SRGAP2: variants seen among roughly 807,000 people sequenced by gnomAD.
SRGAP2 encodes the protein SLIT-ROBO Rho GTPase-activating protein 2.
SRGAP2 carries 15 observed loss-of-function variants against 57.2 expected under a neutral mutation model. That is an observed-to-expected ratio of 0.26 (90% CI 0.18 to 0.40). SRGAP2 has a LOEUF of 0.40. SRGAP2 is among the 10% of genes least tolerant of loss of function. SRGAP2 has a pLI of 1.00. For synonymous variants in SRGAP2, 249 were observed against 248.0 expected, an observed-to-expected ratio of 1.00 and a Z score of -0.04; for missense variants, 520 against 669.6, an observed-to-expected ratio of 0.78 and a Z score of 2.47.
chr1:206,449,040 G>A (rs868924563), intron 18 of SRGAP2, among the ~76,000 whole-genome samples: 1 of 152,154 alleles, frequency 6.6e-6, no homozygotes, highest in African/African-American at 2.4e-5. Flanking sequence ...GGTGGAAACT[G>A]TGCGGCCAGG....
intron 4 of SRGAP2, among the ~76,000 whole-genome samples, chr1:206,357,485 T>G (rs1311004022): frequency 6.6e-6 from 1 of 151,750 alleles, no homozygotes; most frequent in Non-Finnish European, 1.5e-5. Context: ...TCATTGCATC[T>G]TCTTTTAAAT....
intron 14 of SRGAP2, among the ~76,000 whole-genome samples, chr1:206,434,341 C>T (rs1368395756): frequency 1.3e-5 from 2 of 152,148 alleles, no homozygotes; most frequent in East Asian, 1.9e-4. Context: ...AGCAAGATAA[C>T]GTGAACATGA....
chr1:206,360,585 G>C (rs1372641679), intron 4 of SRGAP2, among the ~76,000 whole-genome samples: 1 of 152,170 alleles, frequency 6.6e-6, no homozygotes, highest in Non-Finnish European at 1.5e-5. Context: ...GTGAGAAGTG[G>C]TCAAATTCTG....
intron 21 of SRGAP2, among the ~76,000 whole-genome samples, chr1:206,456,731 G>A (rs1262047506): frequency 1.3e-5 from 2 of 152,210 alleles, no homozygotes; most frequent in African/African-American, 4.8e-5. Flanking sequence ...CCTGGTGGGT[G>A]GGTGAGCGGT....
intron 2 of SRGAP2, among the ~76,000 whole-genome samples, chr1:206,285,657 A>G (rs1434536098): frequency 6.6e-6 from 1 of 152,002 alleles, no homozygotes; most frequent in African/African-American, 2.4e-5. Context: ...GTATTTAAAC[A>G]TTACGAAAGA....
chr1:206,394,067 G>T (rs1657318073), intron 7 of SRGAP2, among the ~76,000 whole-genome samples: 8 of 76,956 alleles, frequency 1.0e-4, no homozygotes, highest in South Asian at 1.1e-3. Context: ...TTTTTTTTGA[G>T]ATAGAGTCTT....
intron 2 of SRGAP2, among the ~76,000 whole-genome samples, chr1:206,240,283 AAAG>A (rs1558243859): frequency 6.9e-6 from 1 of 143,980 alleles, no homozygotes; most frequent in Non-Finnish European, 1.6e-5. Context: ...AAAAAAAAAA[AAAG>A]ACATTGACTG....
intron 4 of SRGAP2, among the ~76,000 whole-genome samples, chr1:206,347,404 C>T: frequency 6.7e-6 from 1 of 150,238 alleles, no homozygotes; most frequent in Non-Finnish European, 1.5e-5. Context: ...ATGGTGAAAC[C>T]CCGTCTCTAC....
intron 4 of SRGAP2, among the ~76,000 whole-genome samples, chr1:206,352,863 T>A (rs1249620518): frequency 1.3e-5 from 2 of 152,120 alleles, no homozygotes; most frequent in Non-Finnish European, 2.9e-5. Flanking sequence ...TCCCCCAGGC[T>A]GGAGTCCTGT....
rs368222074 is a variant in SRGAP2 at position 206,454,993 on chromosome 1, G to A, written c.2476G>A (p.Val826Ile). Residue 826 changes from valine to isoleucine, a missense_variant, in exon 21 of 23, where the codon GTA becomes ATA. Val to Ile is a conservative substitution (Grantham distance 29). This residue lies in a region of SRGAP2 where 478 missense variants were observed against 373.6 expected (regional missense o/e 1.28). Transcript: ENST00000573034. This position sits in a 1 kb window ranked among gnomAD's most constrained non-coding sequence, Gnocchi z 4.3. ...AGASCPSGGHVADIYLANINK... is the reference protein window; with the variant it reads ...AGASCPSGGHIADIYLANINK... ...GGCCAGCTGTCCCAGTGGGGGTCAT[G>A]TAGCCGATATTTATCTTGCAAACAT... 1 of 780,768 alleles carries A rather than the reference G, an allele frequency of 1.3e-6. No individual in the cohort carries two copies. The highest frequency in any genetic ancestry group is 2.4e-6 in the Non-Finnish European group (1 of 417,994). The allele number at this position is 780,768 out of a possible 1,614,324, so 48.4% of individuals were successfully genotyped here. A position where few individuals can be genotyped will look rare whatever the true frequency, so the allele number is the denominator to read the frequency against.
At chr1:206,411,695 G>A (rs1343807829) in intron 10 of SRGAP2, among the ~76,000 whole-genome samples, 4 of 152,178 alleles carry the variant, frequency 2.6e-5, no homozygotes, top group Non-Finnish European at 5.9e-5. Context: ...TAAATCCAAG[G>A]CATAAGCAAC....
intron 2 of SRGAP2, among the ~76,000 whole-genome samples, chr1:206,244,825 T>G (rs548226985): frequency 1.5e-3 from 224 of 151,846 alleles, no homozygotes; most frequent in African/African-American, 5.2e-3. Flanking sequence ...TTTTTTTTCC[T>G]TAAGATTGGT....
chr1:206,288,027 T>C (rs1671108249), intron 2 of SRGAP2, among the ~76,000 whole-genome samples: 1 of 145,294 alleles, frequency 6.9e-6, no homozygotes, highest in Non-Finnish European at 1.5e-5. Context: ...GCATATGGAC[T>C]TTCTCTTCCA....
intron 2 of SRGAP2, among the ~76,000 whole-genome samples, chr1:206,226,836 C>A (rs1334860070): frequency 2.0e-5 from 3 of 152,140 alleles, no homozygotes; most frequent in African/African-American, 7.2e-5. Context: ...TTTTGCACCA[C>A]CCCAAGTTCA....
chr1:206,353,341 A>G (rs1324361332), intron 4 of SRGAP2, among the ~76,000 whole-genome samples: 9 of 151,918 alleles, frequency 5.9e-5, no homozygotes, highest in Non-Finnish European at 1.0e-4. Flanking sequence ...TTTAGTTTAG[A>G]TGATTTCTAA....
At chr1:206,451,959 C>T (rs150753994) in intron 19 of SRGAP2, among the ~76,000 whole-genome samples, 1 of 152,304 alleles carries the variant, frequency 6.6e-6, no homozygotes, top group East Asian at 1.9e-4. Flanking sequence ...TTTTAAGCAG[C>T]CTTTCTCTCT....
chr1:206,210,403 C>CTTTT lies in SRGAP2; in HGVS notation c.67+4390_67+4393dup, dbSNP rs71568077. On this transcript the variant is annotated intron_variant, in intron 2 of 22. Coordinates refer to ENST00000573034, the MANE Select transcript of SRGAP2 (RefSeq NM_015326.5). ...TTCTCGAGAACATTAGGGGTCTTGT[C>CTTTT]TTTTTTTTTTTTTTTTTTTTTTTTT... Among the ~76,000 whole-genome samples, 23 of 31,790 alleles carry CTTTT rather than the reference C, an allele frequency of 7.2e-4. 1 individual carries two copies. Among genetic ancestry groups the CTTTT allele is most frequent in the African/African-American group, 2.9e-3 (22 of 7,530 alleles). The allele number at this position is 31,790 out of a possible 152,430, so 20.9% of individuals were successfully genotyped here. A position where few individuals can be genotyped will look rare whatever the true frequency, so the allele number is the denominator to read the frequency against.
chr1:206,356,541 G>C (rs142603987), intron 4 of SRGAP2, among the ~76,000 whole-genome samples: 4,810 of 152,290 alleles, frequency 0.032, 83 homozygotes, highest in Admixed American at 0.049. Flanking sequence ...TGTCAGGTCA[G>C]AATTTCCATT....
chr1:206,410,488 C>G (rs2103188924), intron 10 of SRGAP2, among the ~76,000 whole-genome samples: 1 of 152,276 alleles, frequency 6.6e-6, no homozygotes, highest in African/African-American at 2.4e-5. Flanking sequence ...TCCTATTTCC[C>G]CTCCCCTCTG....
Sources: allele counts gnomAD v4.1 joint callset (sites outside exome capture counted in the v4.1 genomes callset), GRCh38; gene constraint gnomAD v4.1.1; regional missense constraint gnomAD v4.1.1; non-coding constraint Gnocchi (gnomAD v3.1); transcripts MANE v1.5; gene names NCBI Gene and HGNC (gene_info 2026-07-23, HGNC 2026-07-21).